STK32B: variants seen among roughly 807,000 people sequenced by gnomAD.
STK32B encodes the protein serine/threonine-protein kinase 32B.
A neutral mutation model predicts 52.6 loss-of-function variants in STK32B; 43 were observed. That is an observed-to-expected ratio of 0.82 (90% confidence interval 0.64 to 1.05). The LOEUF is 1.05. Ranked by LOEUF, STK32B falls within the 50% of genes least tolerant of loss-of-function variation. The probability of loss-of-function intolerance (pLI) is 0.00; values close to 1 mark genes in which losing one functional copy is unlikely to be tolerated. For synonymous variants in STK32B, 238 were observed against 204.3 expected, an observed-to-expected ratio of 1.17 and a Z score of -1.41; for missense variants, 621 against 534.6, an observed-to-expected ratio of 1.16 and a Z score of -1.59.
upstream of STK32B, among the ~76,000 whole-genome samples, chr4:5,049,057 C>T (rs531751511): frequency 1.1e-3 from 168 of 152,352 alleles, no homozygotes; most frequent in Non-Finnish European, 1.9e-3. Context: ...TGTGGAACAT[C>T]TCCCAGCATC....
chr4:5,403,128 C>G (rs974605141), intron 5 of STK32B, among the ~76,000 whole-genome samples: 1 of 152,214 alleles, frequency 6.6e-6, no homozygotes, highest in African/African-American at 2.4e-5. Flanking sequence ...GACTGCCCTG[C>G]CCAGGGCTGG....
intron 1 of STK32B, among the ~76,000 whole-genome samples, chr4:5,099,828 G>T (rs905940562): frequency 1.3e-5 from 2 of 152,044 alleles, no homozygotes; most frequent in African/African-American, 4.8e-5. Flanking sequence ...ATGAGCTCCC[G>T]GGTTTCCAAG....
intron 5 of STK32B, among the ~76,000 whole-genome samples, chr4:5,413,820 A>G (rs1711918984): frequency 6.6e-6 from 1 of 152,214 alleles, no homozygotes; most frequent in Non-Finnish European, 1.5e-5. Context: ...TTCTCACCAT[A>G]TAACTTGCAA....
At chr4:5,314,004 C>G (rs915268208) in intron 3 of STK32B, among the ~76,000 whole-genome samples, 3 of 152,040 alleles carry the variant, frequency 2.0e-5, no homozygotes, top group Non-Finnish European at 4.4e-5. Flanking sequence ...CAGTTGTCCT[C>G]TAAGTGATTT....
chr4:5,123,407 C>G (rs1389198745), intron 1 of STK32B, among the ~76,000 whole-genome samples: 1 of 152,158 alleles, frequency 6.6e-6, no homozygotes, highest in African/African-American at 2.4e-5. Flanking sequence ...CCTGATGACA[C>G]CCAGCCCCGT....
At chr4:5,080,945 T>C (rs796884028) in intron 1 of STK32B, among the ~76,000 whole-genome samples, 39 of 152,186 alleles carry the variant, frequency 2.6e-4, no homozygotes, top group Non-Finnish European at 5.4e-4. Flanking sequence ...AGCCAACAGC[T>C]CCCTATATTC....
intron 3 of STK32B, among the ~76,000 whole-genome samples, chr4:5,253,938 C>A (rs553708569): frequency 2.7e-3 from 405 of 152,208 alleles, no homozygotes; most frequent in Non-Finnish European, 4.7e-3. Flanking sequence ...AAATTATAGC[C>A]ACCGTGCGTG....
chr4:5,117,671 C>T (rs1409252700), intron 1 of STK32B, among the ~76,000 whole-genome samples: 1 of 151,886 alleles, frequency 6.6e-6, no homozygotes, highest in Non-Finnish European at 1.5e-5. Context: ...CATGTTTGCT[C>T]CAAATATTTT....
At chr4:5,257,427 G>C (rs922285794) in intron 3 of STK32B, among the ~76,000 whole-genome samples, 1 of 152,204 alleles carries the variant, frequency 6.6e-6, no homozygotes, top group Non-Finnish European at 1.5e-5. Context: ...GAATGAGTGA[G>C]TGATGAGTGG....
intron 6 of STK32B, among the ~76,000 whole-genome samples, chr4:5,428,020 C>T (rs964680401): frequency 6.6e-6 from 1 of 151,794 alleles, no homozygotes; most frequent in African/African-American, 2.4e-5. Flanking sequence ...TATTTTCCTC[C>T]ATAAGCATTT....
intron 8 of STK32B, among the ~76,000 whole-genome samples, chr4:5,457,533 A>G (rs1005348928): frequency 4.0e-5 from 6 of 150,900 alleles, no homozygotes; most frequent in Non-Finnish European, 7.4e-5. Context: ...GGTTTTTTAA[A>G]TCTGCTGCAC....
At chr4:5,354,154 T>G (rs1242762405) in intron 4 of STK32B, among the ~76,000 whole-genome samples, 3 of 152,224 alleles carry the variant, frequency 2.0e-5, no homozygotes, top group Non-Finnish European at 2.9e-5. Flanking sequence ...ATTGTGAGTG[T>G]TCTTACTCAT....
intron 3 of STK32B, among the ~76,000 whole-genome samples, chr4:5,236,641 G>A (rs987822023): frequency 6.6e-6 from 1 of 152,210 alleles, no homozygotes; most frequent in African/African-American, 2.4e-5. Context: ...AAAGTGACAA[G>A]GGTCTTTGGC....
chr4:5,349,452 A>G (rs1028024349), intron 4 of STK32B, among the ~76,000 whole-genome samples: 2 of 152,176 alleles, frequency 1.3e-5, no homozygotes, highest in African/African-American at 4.8e-5. Context: ...ATTTCTCTAC[A>G]CTGCCAACAC....
intron 1 of STK32B, among the ~76,000 whole-genome samples, chr4:5,085,223 A>G (rs976881494): frequency 1.3e-5 from 2 of 152,228 alleles, no homozygotes; most frequent in African/African-American, 4.8e-5. Context: ...TTCTTTGTGT[A>G]TAAAATAGGA....
chr4:5,495,310 C>A (rs543572435), intron 11 of STK32B, among the ~76,000 whole-genome samples: 47 of 152,268 alleles, frequency 3.1e-4, no homozygotes, highest in African/African-American at 1.1e-3. Context: ...TCCCTTCTCA[C>A]TTCATTTCAT....
chr4:5,398,132 T>TGATGTGGTGCTTGTC lies in STK32B; in HGVS notation c.435-74_435-60dup. 6.4e-7 allele frequency: 1 copy of TGATGTGGTGCTTGTC among 1,561,310 alleles called. No homozygotes were observed. Among genetic ancestry groups the TGATGTGGTGCTTGTC allele is most frequent in the African/African-American group, 1.4e-5 (1 of 73,834 alleles). On this transcript the variant is annotated intron_variant, in intron 4 of 11. Coordinates refer to ENST00000282908, the MANE Select transcript of STK32B (RefSeq NM_018401.3). This position sits in a 1 kb window ranked among gnomAD's most constrained non-coding sequence, Gnocchi z 4.9. The stretch of plus-strand genomic sequence containing the variant: ...AGCCTGGGTGTTCCAGCATTTGTCC[T>TGATGTGGTGCTTGTC]GATGTGGTGCTTGTCTATGTGCTCA...
chr4:5,402,598 G>T (rs895642353), intron 5 of STK32B, among the ~76,000 whole-genome samples: 1 of 152,188 alleles, frequency 6.6e-6, no homozygotes, highest in Non-Finnish European at 1.5e-5. Context: ...GGTCTGGGGT[G>T]ACTGTTCTCT....
intron 3 of STK32B, among the ~76,000 whole-genome samples, chr4:5,240,918 T>G (rs1197887617): frequency 6.6e-6 from 1 of 152,234 alleles, no homozygotes; most frequent in Non-Finnish European, 1.5e-5. Context: ...TGTCTATCCT[T>G]CTATCAATAA....
Sources: allele counts gnomAD v4.1 joint callset (sites outside exome capture counted in the v4.1 genomes callset), GRCh38; gene constraint gnomAD v4.1.1; non-coding constraint Gnocchi (gnomAD v3.1); transcripts MANE v1.5; gene names NCBI Gene and HGNC (gene_info 2026-07-23, HGNC 2026-07-21).